Variants in SPMIP2 observed in about 807,000 individuals in gnomAD.
SPMIP2 encodes the protein protein SPMIP2.
At chr4:158,977,091 A>G in the SPMIP2 span, among the ~76,000 whole-genome samples, 23 of 152,208 alleles carry the variant, frequency 1.5e-4, no homozygotes, top group Non-Finnish European at 3.2e-4. Context: ...TTTTGGTATC[A>G]GAATGATGCT....
At chr4:158,986,610 C>T in the SPMIP2 span, among the ~76,000 whole-genome samples, 1 of 151,914 alleles carries the variant, frequency 6.6e-6, no homozygotes, top group African/African-American at 2.4e-5. Flanking sequence ...CCCTTCCTTA[C>T]ACCTTATACA....
the SPMIP2 span, among the ~76,000 whole-genome samples, chr4:159,040,700 A>G: frequency 6.6e-6 from 1 of 152,088 alleles, no homozygotes; most frequent in Non-Finnish European, 1.5e-5. Flanking sequence ...TCCTGGCCTC[A>G]AGATATCCTC....
At chr4:159,054,771 A>G in the SPMIP2 span, among the ~76,000 whole-genome samples, 1 of 152,174 alleles carries the variant, frequency 6.6e-6, no homozygotes, top group Non-Finnish European at 1.5e-5. Context: ...CCACCAGCTC[A>G]GCTGCTCAAT....
chr4:158,902,665 T>G, the SPMIP2 span, among the ~76,000 whole-genome samples: 1 of 152,230 alleles, frequency 6.6e-6, no homozygotes, highest in Non-Finnish European at 1.5e-5. Flanking sequence ...GCTGCCTTTT[T>G]TTCAGAGATG....
At chr4:158,982,165 A>C in the SPMIP2 span, among the ~76,000 whole-genome samples, 1 of 152,244 alleles carries the variant, frequency 6.6e-6, no homozygotes, top group Non-Finnish European at 1.5e-5. Flanking sequence ...TGCAATAAGA[A>C]GAGCTAAATA....
chr4:158,952,229 A>G, the SPMIP2 span, among the ~76,000 whole-genome samples: 2 of 152,210 alleles, frequency 1.3e-5, no homozygotes, highest in East Asian at 1.9e-4. Context: ...CTGTGAAATC[A>G]TGAGTAGAAA....
chr4:158,896,534 C>A, the SPMIP2 span, among the ~76,000 whole-genome samples: 2 of 152,252 alleles, frequency 1.3e-5, no homozygotes, highest in Non-Finnish European at 2.9e-5. Flanking sequence ...GATGATGATT[C>A]CCCTCACTTG....
chr4:158,918,161 C>A, the SPMIP2 span, among the ~76,000 whole-genome samples: 1 of 152,060 alleles, frequency 6.6e-6, no homozygotes, highest in Non-Finnish European at 1.5e-5. Flanking sequence ...CTGCCTGACA[C>A]GTAATTGACA....
chr4:158,909,693 C>T, the SPMIP2 span, among the ~76,000 whole-genome samples: 2 of 151,744 alleles, frequency 1.3e-5, no homozygotes, highest in Non-Finnish European at 2.9e-5. Flanking sequence ...CCTGCCTCAG[C>T]CTCTCAAGTA....
At chr4:159,039,673 C>T in the SPMIP2 span, among the ~76,000 whole-genome samples, 2 of 152,208 alleles carry the variant, frequency 1.3e-5, no homozygotes, top group South Asian at 4.1e-4. Context: ...AAAGTGGTCT[C>T]CATGAGCCAC....
the SPMIP2 span, among the ~76,000 whole-genome samples, chr4:158,978,199 G>A: frequency 7.2e-5 from 11 of 152,306 alleles, no homozygotes; most frequent in Middle Eastern, 3.4e-3. Flanking sequence ...TCAGGAGCAG[G>A]TTGTTCAGTT....
At chr4:159,072,885 C>A in the SPMIP2 span, among the ~76,000 whole-genome samples, 1 of 152,142 alleles carries the variant, frequency 6.6e-6, no homozygotes, top group Non-Finnish European at 1.5e-5. Context: ...GTGAATTATG[C>A]TGGCTTCCTA....
At chr4:159,016,074 G>A in the SPMIP2 span, among the ~76,000 whole-genome samples, 136 of 152,298 alleles carry the variant, frequency 8.9e-4, no homozygotes, top group African/African-American at 3.1e-3. Flanking sequence ...GACTGATGAC[G>A]TCAACACACA....
chr4:158,914,040 G>T, the SPMIP2 span, among the ~76,000 whole-genome samples: 1 of 151,390 alleles, frequency 6.6e-6, no homozygotes, highest in African/African-American at 2.4e-5. Flanking sequence ...ATCAAAATAA[G>T]AAGTCTTTTA....
At chr4:159,007,493 C>T in the SPMIP2 span, 2 of 757,270 alleles carry the variant, frequency 2.6e-6, no homozygotes, top group South Asian at 1.3e-5. Flanking sequence ...CACAGGGATC[C>T]AGCACCTGAT....
chr4:159,030,830 T>C, the SPMIP2 span, among the ~76,000 whole-genome samples: 2 of 152,150 alleles, frequency 1.3e-5, no homozygotes, highest in African/African-American at 2.4e-5. Context: ...TAGAAATCAA[T>C]AAAAATCCTA....
the SPMIP2 span, among the ~76,000 whole-genome samples, chr4:159,011,060 G>A: frequency 6.6e-6 from 1 of 152,026 alleles, no homozygotes; most frequent in Non-Finnish European, 1.5e-5. Context: ...AAACAGAGCT[G>A]ATTCCTGTTC....
At chr4:159,004,026 T>A in the SPMIP2 span, among the ~76,000 whole-genome samples, 3 of 151,908 alleles carry the variant, frequency 2.0e-5, no homozygotes, top group Non-Finnish European at 4.4e-5. Context: ...TGTTGTTTTG[T>A]TTTATTTTTT....
chr4:159,029,010 G>A, the SPMIP2 span, among the ~76,000 whole-genome samples: 537 of 152,270 alleles, frequency 3.5e-3, 4 homozygotes, highest in South Asian at 0.031. Flanking sequence ...CAGGAGAATC[G>A]CTTGAATCCA....
Sources: gnomAD v4.1 joint callset for allele counts (sites outside exome capture counted in the v4.1 genomes callset) on GRCh38, gnomAD v4.1.1 for gene constraint, MANE v1.5 for transcripts, NCBI Gene and HGNC (gene_info 2026-07-23, HGNC 2026-07-21) for gene names.